Variants in CHMP4B observed in about 807,000 individuals in gnomAD.
CHMP4B encodes the protein charged multivesicular body protein 4B.
Under a neutral mutation model 25.1 loss-of-function variants are expected in CHMP4B, and 1 was observed. The ratio of observed to expected loss-of-function variants is 0.04; its 90% CI spans 0.01 to 0.19. The LOEUF (loss-of-function observed/expected upper bound fraction) is 0.19, where lower values mean the gene tolerates loss of function less well. Among genes scored for constraint, CHMP4B ranks in the 10% least tolerant of loss-of-function variants. The pLI is 1.00. For missense variants in CHMP4B, 151 were observed against 289.7 expected (o/e 0.52, Z 3.48); for synonymous variants, 101 against 115.6 (o/e 0.87, Z 0.81).
chr20:33,844,857 C>A (rs187006620), intron 1 of CHMP4B, among the ~76,000 whole-genome samples: 1 of 151,776 alleles, frequency 6.6e-6, no homozygotes, highest in Non-Finnish European at 1.5e-5. Flanking sequence ...CTCCTGGGCT[C>A]ACGCCATTCT....
intron 1 of CHMP4B, among the ~76,000 whole-genome samples, chr20:33,848,121 A>G (rs1007057986): frequency 3.9e-5 from 6 of 152,132 alleles, no homozygotes; most frequent in Admixed American, 2.0e-4. Flanking sequence ...TGGGAAGCCA[A>G]GTAGCTCACC....
At chr20:33,845,424 G>A (rs926906510) in intron 1 of CHMP4B, among the ~76,000 whole-genome samples, 2 of 151,950 alleles carry the variant, frequency 1.3e-5, no homozygotes, top group African/African-American at 4.8e-5. Flanking sequence ...CTGGGTTCAA[G>A]CAATTCTCCT....
At chr20:33,813,107 A>G (rs1338758078) in intron 1 of CHMP4B, among the ~76,000 whole-genome samples, 3 of 151,932 alleles carry the variant, frequency 2.0e-5, no homozygotes, top group East Asian at 1.9e-4. Flanking sequence ...TGAAAAGGTA[A>G]AGTTTGAACT....
intron 1 of CHMP4B, among the ~76,000 whole-genome samples, chr20:33,840,768 T>C (rs1378491469): frequency 6.6e-6 from 1 of 152,218 alleles, no homozygotes; most frequent in Non-Finnish European, 1.5e-5. Flanking sequence ...ATCTGGGAAG[T>C]CCTGCAGTAA....
chr20:33,839,297 G>A (rs1391932099), intron 1 of CHMP4B, among the ~76,000 whole-genome samples: 1 of 152,114 alleles, frequency 6.6e-6, no homozygotes, highest in African/African-American at 2.4e-5. Context: ...GCGTTATGGA[G>A]TGCCCCTCCC....
At position 33,853,695 on chromosome 20, in the gene CHMP4B, GC is replaced by G. The variant is rs375130175; in HGVS notation, c.*137del. 2.8e-4 allele frequency: 157 copies of G among 556,370 alleles called. 1 individual carries two copies. The East Asian group carries it at 5.3e-3, about 19-fold the overall frequency. 34.5% of individuals were successfully genotyped at this position (556,370 alleles called of 1,614,324 possible). A position where few individuals can be genotyped will look rare whatever the true frequency, so the allele number is the denominator to read the frequency against. ...TCGACTCTCACTCCAAAGCAGTAGG[GC>G]CGCGTTGCTGCTCACTCTCTGCATA... is the stretch of plus-strand genomic sequence containing the variant. On this transcript the variant is annotated 3_prime_UTR_variant, in exon 5 of 5. Transcript: ENST00000217402.
intron 1 of CHMP4B, among the ~76,000 whole-genome samples, chr20:33,847,209 T>A (rs755613572): frequency 8.5e-5 from 13 of 152,054 alleles, no homozygotes; most frequent in Non-Finnish European, 1.3e-4. Flanking sequence ...GTCTCTTAGG[T>A]AATAAAAGTT....
chr20:33,814,354 G>T (rs1174563218), intron 1 of CHMP4B, among the ~76,000 whole-genome samples: 3 of 152,194 alleles, frequency 2.0e-5, no homozygotes, highest in Admixed American at 2.0e-4. Flanking sequence ...GAAGTGTGGG[G>T]TGGGAGTGTA....
At chr20:33,820,535 G>T (rs958333422) in intron 1 of CHMP4B, among the ~76,000 whole-genome samples, 1 of 152,184 alleles carries the variant, frequency 6.6e-6, no homozygotes, top group African/African-American at 2.4e-5. Context: ...ATGAAGACAG[G>T]TCCTTGCCTC....
chr20:33,814,508 A>G (rs1429084636), intron 1 of CHMP4B, among the ~76,000 whole-genome samples: 1 of 152,180 alleles, frequency 6.6e-6, no homozygotes, highest in African/African-American at 2.4e-5. Context: ...GAGGTGGGTC[A>G]GCAAGGAGTT....
intron 2 of CHMP4B, among the ~76,000 whole-genome samples, chr20:33,848,989 G>T (rs975607479): frequency 2.6e-5 from 4 of 152,212 alleles, no homozygotes; most frequent in South Asian, 4.1e-4. Context: ...TGACATGGGA[G>T]CTTGGTTAGA....
intron 1 of CHMP4B, among the ~76,000 whole-genome samples, chr20:33,830,235 C>T (rs1211587232): frequency 6.6e-6 from 1 of 152,104 alleles, no homozygotes; most frequent in African/African-American, 2.4e-5. Flanking sequence ...AAAAGCAAGG[C>T]GCTGGGTGGG....
At chr20:33,844,217 T>C (rs1253106998) in intron 1 of CHMP4B, among the ~76,000 whole-genome samples, 1 of 152,210 alleles carries the variant, frequency 6.6e-6, no homozygotes, top group Non-Finnish European at 1.5e-5. Flanking sequence ...GCCAAATGAT[T>C]GTTCTAGCCT....
At chr20:33,841,757 G>A (rs1979548922) in intron 1 of CHMP4B, among the ~76,000 whole-genome samples, 1 of 152,166 alleles carries the variant, frequency 6.6e-6, no homozygotes, top group Admixed American at 6.5e-5. Flanking sequence ...GGACTTAGGA[G>A]AGCAAACCAG....
At chr20:33,845,572 C>T (rs1415639660) in intron 1 of CHMP4B, among the ~76,000 whole-genome samples, 2 of 152,170 alleles carry the variant, frequency 1.3e-5, no homozygotes, top group Non-Finnish European at 2.9e-5. Flanking sequence ...ATCCACCCAC[C>T]TCGGCCTCCC....
At chr20:33,825,038 A>G (rs1171361280) in intron 1 of CHMP4B, among the ~76,000 whole-genome samples, 7 of 152,226 alleles carry the variant, frequency 4.6e-5, no homozygotes, top group African/African-American at 1.7e-4. Flanking sequence ...AGGTCTAGAG[A>G]CTTAGCCCAA....
At chr20:33,831,094 A>T (rs75480894) in intron 1 of CHMP4B, among the ~76,000 whole-genome samples, 2 of 140,058 alleles carry the variant, frequency 1.4e-5, no homozygotes, top group African/African-American at 5.4e-5. Flanking sequence ...ATGCTCAGCT[A>T]ATTTTTTTTT....
At chr20:33,850,844 G>A in intron 2 of CHMP4B, 108 bp from the exon 3 acceptor site, 1 of 770,542 alleles carries the variant, frequency 1.3e-6, no homozygotes, top group Non-Finnish European at 2.3e-6. Flanking sequence ...AGGGGGTGTG[G>A]CTGGGAAGCT....
chr20:33,847,406 T>C (rs1979715731), intron 1 of CHMP4B, among the ~76,000 whole-genome samples: 1 of 152,144 alleles, frequency 6.6e-6, no homozygotes, highest in Admixed American at 6.5e-5. Flanking sequence ...CCTACAGTCA[T>C]ATTTTGGGGT....
Sources: allele counts gnomAD v4.1 joint callset (sites outside exome capture counted in the v4.1 genomes callset), GRCh38; gene constraint gnomAD v4.1.1; transcripts MANE v1.5; gene names NCBI Gene and HGNC (gene_info 2026-07-23, HGNC 2026-07-21).